AGBL1: variants seen among roughly 807,000 people sequenced by gnomAD.
AGBL1 encodes the protein AGBL carboxypeptidase 1.
AGBL1 carries 130 observed loss-of-function variants against 118.9 expected under a neutral mutation model. That is an observed-to-expected ratio of 1.09 (90% CI 0.95 to 1.26). The LOEUF (loss-of-function observed/expected upper bound fraction) is 1.26. Among genes scored for constraint, AGBL1 ranks in the 50% most tolerant of loss-of-function variants. AGBL1 has a pLI of 0.00. For missense variants in AGBL1, 1,584 were observed against 1,298.1 expected (o/e 1.22, Z -3.38); for synonymous variants, 555 against 478.9 (o/e 1.16, Z -2.08).
intron 22 of AGBL1, among the ~76,000 whole-genome samples, chr15:86,877,426 T>A (rs1327045876): frequency 6.6e-6 from 1 of 152,192 alleles, no homozygotes; most frequent in Non-Finnish European, 1.5e-5. Flanking sequence ...CCATCTCTTC[T>A]GGAGGATATT....
chr15:86,422,833 T>G (rs1450474526), intron 18 of AGBL1, among the ~76,000 whole-genome samples: 1 of 152,142 alleles, frequency 6.6e-6, no homozygotes, highest in Admixed American at 6.6e-5. Flanking sequence ...GCAAATAAAC[T>G]AGAAAATCTA....
At chr15:86,451,651 G>C (rs1339399325) in intron 18 of AGBL1, among the ~76,000 whole-genome samples, 2 of 152,268 alleles carry the variant, frequency 1.3e-5, no homozygotes, top group East Asian at 3.9e-4. Context: ...GAAATGAATA[G>C]TGGAAGGCAA....
At chr15:86,765,640 C>G (rs1042228864) in intron 22 of AGBL1, among the ~76,000 whole-genome samples, 1 of 151,860 alleles carries the variant, frequency 6.6e-6, no homozygotes. Context: ...CAAGTACAGG[C>G]GAAAGTCTCA....
intron 17 of AGBL1, among the ~76,000 whole-genome samples, chr15:86,332,470 C>T (rs940733667): frequency 6.6e-6 from 1 of 151,902 alleles, no homozygotes; most frequent in East Asian, 1.9e-4. Flanking sequence ...CATGGTGAAA[C>T]CCTGTCTCTA....
chr15:86,725,668 C>G (rs377428444), intron 22 of AGBL1, among the ~76,000 whole-genome samples: 4 of 152,328 alleles, frequency 2.6e-5, no homozygotes, highest in African/African-American at 7.2e-5. Flanking sequence ...GGGTTTCTTT[C>G]TACTGGTAGG....
At chr15:86,452,228 T>C (rs977262385) in intron 18 of AGBL1, among the ~76,000 whole-genome samples, 7 of 152,160 alleles carry the variant, frequency 4.6e-5, no homozygotes, top group African/African-American at 1.4e-4. Flanking sequence ...AACTCACAGG[T>C]CTCCAGGCAG....
At chr15:86,899,135 A>G (rs766725404) in intron 22 of AGBL1, among the ~76,000 whole-genome samples, 1 of 152,180 alleles carries the variant, frequency 6.6e-6, no homozygotes, top group Admixed American at 6.5e-5. Flanking sequence ...CATGGATTCA[A>G]TTTAAATGCC....
rs1284135080 is a variant in AGBL1, at chr15:86,563,320, T to C, written c.2994+8783T>C. The stretch of plus-strand genomic sequence containing the variant: ...CCCTCTACACACTGCTTTAAATGTG[T>C]CCCAGAGATTCTGGTATGTTGTGTG... On this transcript the variant is annotated intron_variant, in intron 21 of 22. Transcript: ENST00000614907. 1.3e-5 allele frequency among the ~76,000 whole-genome samples: 2 copies of C among 152,226 alleles called. 1 individual carries two copies. The highest frequency in any genetic ancestry group is 4.8e-5 in the African/African-American group (2 of 41,462).
chr15:86,748,413 T>A (rs2077790558), intron 22 of AGBL1, among the ~76,000 whole-genome samples: 1 of 151,716 alleles, frequency 6.6e-6, no homozygotes. Context: ...TGCAAAACTT[T>A]TCTCCCATTC....
At chr15:86,380,528 G>A (rs537127529) in intron 17 of AGBL1, among the ~76,000 whole-genome samples, 5 of 115,768 alleles carry the variant, frequency 4.3e-5, no homozygotes, top group East Asian at 3.4e-4. Flanking sequence ...TTTCTCCTCC[G>A]TCCCTTCCTC....
chr15:86,092,015 C>G (rs73460833), intron 1 of AGBL1, among the ~76,000 whole-genome samples: 2 of 152,280 alleles, frequency 1.3e-5, no homozygotes, highest in South Asian at 2.1e-4. Flanking sequence ...ATTTGTACCT[C>G]TCTCTTGAAT....
Position 86,994,976 on chromosome 15 carries a change from T to G in AGBL1, c.3323+6888T>G, listed in dbSNP as rs536997470. ...GTATTTACCAAGCATAGAGCTATGT[T>G]GGTGCTGAGCTGACTTTATGTTTTT... On this transcript the variant is annotated intron_variant, in intron 24 of 24. Coordinates refer to the AGBL1 transcript ENST00000441037. 5.9e-5 allele frequency among the ~76,000 whole-genome samples: 9 copies of G among 152,328 alleles called. No homozygotes were observed. The South Asian group carries it at 1.9e-3, about 32-fold the overall frequency.
chr15:86,424,027 T>A (rs2081830873), intron 18 of AGBL1, among the ~76,000 whole-genome samples: 1 of 151,766 alleles, frequency 6.6e-6, no homozygotes, highest in Non-Finnish European at 1.5e-5. Context: ...AATTAGAAAA[T>A]CAACTTTAAA....
chr15:86,711,484 GT>G (rs1415245476), intron 22 of AGBL1, among the ~76,000 whole-genome samples: 4 of 152,156 alleles, frequency 2.6e-5, no homozygotes, highest in Admixed American at 1.3e-4. Flanking sequence ...TCCATGCTTA[GT>G]CACTGCCTCC....
At chr15:86,475,636 T>C (rs992553721) in intron 18 of AGBL1, among the ~76,000 whole-genome samples, 1 of 152,290 alleles carries the variant, frequency 6.6e-6, no homozygotes, top group South Asian at 2.1e-4. Flanking sequence ...TGGAACCAAG[T>C]TGGAAAACAC....
chr15:86,380,285 T>C (rs1437055112), intron 17 of AGBL1, among the ~76,000 whole-genome samples: 2 of 149,828 alleles, frequency 1.3e-5, no homozygotes, highest in South Asian at 2.1e-4. Flanking sequence ...TCCTTTTTTT[T>C]TTTTTCTTTT....
intron 24 of AGBL1, among the ~76,000 whole-genome samples, chr15:87,026,928 C>G (rs1024760634): frequency 6.6e-6 from 1 of 151,938 alleles, no homozygotes; most frequent in Non-Finnish European, 1.5e-5. Flanking sequence ...TAAGTGGGAG[C>G]TAAGCTATGA....
chr15:86,150,925 C>A (rs1351404372), intron 3 of AGBL1, among the ~76,000 whole-genome samples: 1 of 151,838 alleles, frequency 6.6e-6, no homozygotes, highest in Admixed American at 6.6e-5. Context: ...CAATGATAGA[C>A]TGGATTAAAA....
intron 24 of AGBL1, among the ~76,000 whole-genome samples, chr15:86,991,991 G>T (rs893310453): frequency 6.6e-6 from 1 of 152,120 alleles, no homozygotes; most frequent in Non-Finnish European, 1.5e-5. Context: ...AATACCTGAG[G>T]CTGGGTAGTT....
Sources: allele counts gnomAD v4.1 joint callset (sites outside exome capture counted in the v4.1 genomes callset), GRCh38; gene constraint gnomAD v4.1.1; transcripts MANE v1.5; gene names NCBI Gene and HGNC (gene_info 2026-07-23, HGNC 2026-07-21).